The following GNG5 variants were observed in gnomAD, a reference collection of about 807,000 sequenced individuals.
GNG5 encodes the protein G protein subunit gamma 5.
Under a neutral mutation model 6.2 loss-of-function variants are expected in GNG5, and 2 were observed. The ratio of observed to expected loss-of-function variants is 0.32; its 90% CI spans 0.13 to 1.01. The LOEUF is 1.01. GNG5 is among the 50% of genes least tolerant of loss of function. GNG5 has a pLI of 0.48. For synonymous variants in GNG5, 24 were observed against 33.0 expected (o/e 0.73, Z 0.93); for missense variants, 57 against 80.2 (o/e 0.71, Z 1.10).
intron 3 of GNG5, among the ~76,000 whole-genome samples, chr1:84,500,175 G>C (rs994309620): frequency 6.6e-6 from 1 of 152,232 alleles, no homozygotes; most frequent in East Asian, 1.9e-4. Context: ...TGTAAGAAAT[G>C]CAAGTTCTAG....
At chr1:84,502,008 G>T in intron 2 of GNG5, 38 bp from the exon 3 acceptor site, 2 of 1,560,588 alleles carry the variant, frequency 1.3e-6, no homozygotes, top group Non-Finnish European at 1.8e-6. Context: ...GCCAGATGGT[G>T]AGAACATTTT....
chr1:84,498,710 TAAGTCATTCCTGTTTTATAAAC>T (rs1018862404), intron 3 of GNG5, among the ~76,000 whole-genome samples, 162 bp from the exon 4 acceptor site: 12 of 152,244 alleles, frequency 7.9e-5, no homozygotes, highest in Admixed American at 7.9e-4. Flanking sequence ...CTCTGATGTA[TAAGTCATTCCTGTTTTATAAAC>T]AGACTTACAG....
At chr1:84,498,853 T>C (rs1180010115) in intron 3 of GNG5, among the ~76,000 whole-genome samples, 1 of 152,180 alleles carries the variant, frequency 6.6e-6, no homozygotes, top group African/African-American at 2.4e-5. Context: ...AGCAAGACTA[T>C]ATTTAGCAGG....
chr1:84,505,421 G>C (rs932443713), intron 2 of GNG5, among the ~76,000 whole-genome samples: 1 of 152,166 alleles, frequency 6.6e-6, no homozygotes, highest in African/African-American at 2.4e-5. Context: ...GGCACTGACC[G>C]GAACTTTACA....
At chr1:84,503,803 C>G (rs1160902743) in intron 2 of GNG5, 2 of 152,178 alleles carry the variant, frequency 1.3e-5, no homozygotes, top group African/African-American at 4.8e-5. Flanking sequence ...GAGAAAATGA[C>G]AGACAAGGTG....
At chr1:84,500,349 T>C (rs1682031079) in intron 3 of GNG5, among the ~76,000 whole-genome samples, 1 of 152,238 alleles carries the variant, frequency 6.6e-6, no homozygotes, top group Non-Finnish European at 1.5e-5. Context: ...CTGCTGGGAT[T>C]AATAGACATT....
At chr1:84,505,858 G>A (rs1328074916) in intron 2 of GNG5, among the ~76,000 whole-genome samples, 153 bp downstream of exon 2, 2 of 152,224 alleles carry the variant, frequency 1.3e-5, no homozygotes, top group Admixed American at 1.3e-4. Flanking sequence ...CTGCTCTAAA[G>A]CTGGCCGCTC....
chr1:84,498,797 A>G (rs1336001999), intron 3 of GNG5, among the ~76,000 whole-genome samples: 1 of 152,222 alleles, frequency 6.6e-6, no homozygotes, highest in East Asian at 1.9e-4. Flanking sequence ...AAAAAAGGTT[A>G]ATAAAACTCT....
At chr1:84,505,930 G>C in intron 2 of GNG5, 81 bp downstream of exon 2, 2 of 987,868 alleles carry the variant, frequency 2.0e-6, no homozygotes, top group Non-Finnish European at 2.7e-6. Flanking sequence ...CGCGTGTCCC[G>C]CCCGCCCCCG....
chr1:84,500,869 CAGAA>C (rs1258882384), intron 3 of GNG5, among the ~76,000 whole-genome samples: 1 of 152,044 alleles, frequency 6.6e-6, no homozygotes, highest in Non-Finnish European at 1.5e-5. Context: ...TTGGAGAAGT[CAGAA>C]AGTTAGTAAG....
At position 84,501,979 on chromosome 1, in the gene GNG5, A is replaced by G; in HGVS notation, c.82-9T>C. On this transcript the variant is annotated splice_polypyrimidine_tract_variant and intron_variant, in intron 2 of 3. Coordinates refer to ENST00000370645, the MANE Select transcript of GNG5 (RefSeq NM_005274.3). The stretch of plus-strand genomic sequence containing the variant: ...GCAGCTGCCTGGGAAACCTATACAT[A>G]ACAAAGAGGGGGGGAAGTGCCAGAT... 1.2e-6 allele frequency: 2 copies of G among 1,607,632 alleles called. No individual in the cohort carries two copies. Among genetic ancestry groups the G allele is most frequent in the Admixed American group, 1.7e-5 (1 of 59,730 alleles).
intron 2 of GNG5, chr1:84,503,903 A>G (rs896712399): frequency 6.6e-6 from 1 of 152,208 alleles, no homozygotes; most frequent in South Asian, 2.1e-4. Context: ...TGAGATCTCA[A>G]TGACAAGAGA....
chr1:84,498,963 A>G (rs1319721053), intron 3 of GNG5, among the ~76,000 whole-genome samples: 1 of 152,216 alleles, frequency 6.6e-6, no homozygotes, highest in Non-Finnish European at 1.5e-5. Flanking sequence ...TACTGACTGT[A>G]TTAGTATTTT....
chr1:84,501,930 T>C lies in GNG5; in HGVS notation c.122A>G (p.Gln41Arg), dbSNP rs1192302114. 4.2e-5 allele frequency: 68 copies of C among 1,610,084 alleles called. No homozygotes were observed. Among genetic ancestry groups the C allele is most frequent in the Non-Finnish European group, 5.7e-5 (67 of 1,176,462 alleles). The change falls in exon 3 of 4, where the codon CAG becomes CGG. Residue 41 changes from glutamine to arginine, a missense_variant. Transcript: ENST00000370645. ...AAADLKQFCL[Q>R]NAQHDPLLTG... ...CAGCAGAGGGTCATGTTGAGCATTCTGCAGACAGAACTGTTTCAAGTCTGC... is the reference window on the plus strand; with the variant it reads ...CAGCAGAGGGTCATGTTGAGCATTCCGCAGACAGAACTGTTTCAAGTCTGC...
chr1:84,503,849 C>G (rs1358378445), intron 2 of GNG5: 1 of 152,188 alleles, frequency 6.6e-6, no homozygotes, highest in Non-Finnish European at 1.5e-5. Context: ...TAGATGGTGA[C>G]TGGGTGCCCA....
chr1:84,499,909 C>T (rs1369861093), intron 3 of GNG5, among the ~76,000 whole-genome samples: 10 of 152,052 alleles, frequency 6.6e-5, no homozygotes, highest in South Asian at 2.1e-4. Flanking sequence ...TGAGGTCAGG[C>T]GTTCGAGAAA....
chr1:84,505,835 AC>A (rs2101894715), intron 2 of GNG5, among the ~76,000 whole-genome samples, 175 bp downstream of exon 2: 1 of 152,042 alleles, frequency 6.6e-6, no homozygotes, highest in African/African-American at 2.4e-5. Flanking sequence ...CACAGCGTAG[AC>A]CCACGCGGCG....
intron 2 of GNG5, among the ~76,000 whole-genome samples, chr1:84,505,185 T>C (rs1682150008): frequency 6.6e-6 from 1 of 152,238 alleles, no homozygotes; most frequent in Admixed American, 6.5e-5. Context: ...AGGAAATACT[T>C]AGAACAGCAC....
rs1570366818 is a variant in GNG5, at chr1:84,506,302, C to G, written c.-210-1G>C. 1 of 413,796 alleles carries G rather than the reference C, an allele frequency of 2.4e-6. No homozygotes were observed. 25.6% of individuals were successfully genotyped at this position (413,796 alleles called of 1,614,324 possible). A position where few individuals can be genotyped will look rare whatever the true frequency, so the allele number is the denominator to read the frequency against. ...TCCACACCCGGCCCCGAGCGCGAGC[C>G]TGGAGGAGGGGGAGGAGAAGGGGCG... is the stretch of plus-strand genomic sequence containing the variant. On this transcript the variant is annotated splice_acceptor_variant, in intron 1 of 3. Transcript: ENST00000370645. LOFTEE classifies it low-confidence loss of function (5UTR_SPLICE).
Sources: gnomAD v4.1 joint callset for allele counts (sites outside exome capture counted in the v4.1 genomes callset) on GRCh38, gnomAD v4.1.1 for gene constraint, MANE v1.5 for transcripts, NCBI Gene and HGNC (gene_info 2026-07-23, HGNC 2026-07-21) for gene names.